Variants in WDR72 observed in about 807,000 individuals in gnomAD.
The protein encoded by WDR72 is WD repeat-containing protein 72.
A neutral mutation model predicts 124.2 loss-of-function variants in WDR72; 120 were observed. That is an observed-to-expected ratio of 0.97 (90% CI 0.83 to 1.12). WDR72 has a LOEUF of 1.12. WDR72 is among the 50% of genes most tolerant of loss of function. The pLI, the probability that WDR72 is intolerant of heterozygous loss-of-function variation, is 0.00. For missense variants in WDR72, 1,387 were observed against 1,278.8 expected, an observed-to-expected ratio of 1.08 and a Z score of -1.29; for synonymous variants, 452 against 441.7, an observed-to-expected ratio of 1.02 and a Z score of -0.29.
At chr15:53,706,375 T>TATATATATATAC (rs2017374939) in intron 9 of WDR72, among the ~76,000 whole-genome samples, 1 of 115,812 alleles carries the variant, frequency 8.6e-6, no homozygotes, top group African/African-American at 4.7e-5. Context: ...TATATATATA[T>TATATATATATAC]ATATATATAT....
intron 13 of WDR72, among the ~76,000 whole-genome samples, chr15:53,682,696 A>G (rs2126187): frequency 0.013 from 1,956 of 152,304 alleles, 41 homozygotes; most frequent in African/African-American, 0.046. Flanking sequence ...TTGCTAAAGC[A>G]TAACAAGAGT....
chr15:53,609,862 ACACAC>A (rs1029357386), intron 16 of WDR72, among the ~76,000 whole-genome samples: 47 of 152,140 alleles, frequency 3.1e-4, no homozygotes, highest in Admixed American at 5.9e-4. Context: ...ACACACACAC[ACACAC>A]AATTTATATG....
At chr15:53,612,068 A>G (rs1295555386) in intron 16 of WDR72, among the ~76,000 whole-genome samples, 4 of 152,148 alleles carry the variant, frequency 2.6e-5, no homozygotes, top group Non-Finnish European at 4.4e-5. Flanking sequence ...GACATGCCCA[A>G]TAGAACACAA....
intron 1 of WDR72, among the ~76,000 whole-genome samples, chr15:53,736,400 G>A (rs2140623718): frequency 6.6e-6 from 1 of 152,304 alleles, no homozygotes; most frequent in East Asian, 1.9e-4. Flanking sequence ...ATACAGGGCT[G>A]TCTGGCACTG....
At chr15:53,603,733 T>C (rs1481763923) in intron 17 of WDR72, among the ~76,000 whole-genome samples, 4 of 151,964 alleles carry the variant, frequency 2.6e-5, no homozygotes, top group Admixed American at 2.6e-4. Flanking sequence ...CCATTCACAA[T>C]TGCAACAAAA....
chr15:53,576,536 G>A (rs1378506888), intron 18 of WDR72, among the ~76,000 whole-genome samples: 1 of 152,000 alleles, frequency 6.6e-6, no homozygotes, highest in Non-Finnish European at 1.5e-5. Flanking sequence ...AACTTGTATA[G>A]TGCCCTTTAC....
At chr15:53,625,831 C>T (rs1445937603) in intron 14 of WDR72, among the ~76,000 whole-genome samples, 1 of 151,408 alleles carries the variant, frequency 6.6e-6, no homozygotes, top group African/African-American at 2.4e-5. Flanking sequence ...TGTGAAAGTA[C>T]AAGTCTAACA....
chr15:53,533,986 A>G (rs1304516047), intron 18 of WDR72, among the ~76,000 whole-genome samples: 6 of 152,108 alleles, frequency 3.9e-5, no homozygotes, highest in Non-Finnish European at 4.4e-5. Context: ...CCACTGGGGT[A>G]GGGAAGCAAG....
At chr15:53,551,016 G>A (rs948844915) in intron 18 of WDR72, among the ~76,000 whole-genome samples, 12 of 152,284 alleles carry the variant, frequency 7.9e-5, no homozygotes, top group African/African-American at 2.9e-4. Context: ...AAGCTTGGAG[G>A]TCAAGGAGGA....
intron 18 of WDR72, among the ~76,000 whole-genome samples, chr15:53,538,793 C>T (rs1892902740): frequency 6.6e-6 from 1 of 152,030 alleles, no homozygotes; most frequent in South Asian, 2.1e-4. Flanking sequence ...CAGAATGAAT[C>T]AGATCACTGC....
upstream of WDR72, among the ~76,000 whole-genome samples, chr15:53,760,460 A>T (rs933883351): frequency 6.6e-6 from 1 of 152,050 alleles, no homozygotes; most frequent in African/African-American, 2.4e-5. Context: ...GGGTTATTTC[A>T]CTTAACATAA....
intron 18 of WDR72, among the ~76,000 whole-genome samples, chr15:53,580,976 A>G (rs2011889828): frequency 6.6e-6 from 1 of 152,070 alleles, no homozygotes; most frequent in South Asian, 2.1e-4. Flanking sequence ...GTTTTAAGCA[A>G]TTGTTTAGCT....
intron 18 of WDR72, among the ~76,000 whole-genome samples, chr15:53,560,975 A>T (rs1467470287): frequency 2.0e-5 from 3 of 151,758 alleles, no homozygotes. Context: ...TAATTCCCAG[A>T]CTTCACTCTC....
Position 53,515,106 on chromosome 15 carries a change from C to CAAAAAA in WDR72, c.*2592_*2593insTTTTTT, listed in dbSNP as rs1555402423. On this transcript the variant is annotated 3_prime_UTR_variant, in exon 20 of 20. Transcript: ENST00000360509. ...ATGTATACACACACACACACACACACAAATACATTCATAAATATCACCAAG... is the reference window on the plus strand; with the variant it reads ...ATGTATACACACACACACACACACACAAAAAAAAATACATTCATAAATATCACCAAG... The CAAAAAA allele has an allele frequency of 7.5e-6, 1 of 134,094 alleles. No individual in the cohort carries two copies. Among genetic ancestry groups the CAAAAAA allele is most frequent in the Non-Finnish European group, 1.7e-5 (1 of 59,782 alleles). 8.3% of individuals were successfully genotyped at this position (134,094 alleles called of 1,614,324 possible). A position where few individuals can be genotyped will look rare whatever the true frequency, so the allele number is the denominator to read the frequency against.
At chr15:53,633,874 C>T (rs2014524660) in intron 14 of WDR72, among the ~76,000 whole-genome samples, 1 of 152,118 alleles carries the variant, frequency 6.6e-6, no homozygotes, top group South Asian at 2.1e-4. Flanking sequence ...TGTACACAAA[C>T]ACAAACGCCC....
chr15:53,548,610 T>TTA (rs1234174332), intron 18 of WDR72, among the ~76,000 whole-genome samples: 1 of 151,526 alleles, frequency 6.6e-6, no homozygotes, highest in Non-Finnish European at 1.5e-5. Context: ...CTGTAGTGAA[T>TTA]GCTAATGATT....
chr15:53,576,557 A>G (rs1300438650), intron 18 of WDR72, among the ~76,000 whole-genome samples: 2 of 152,088 alleles, frequency 1.3e-5, no homozygotes, highest in Admixed American at 6.6e-5. Flanking sequence ...TTATTAGGTG[A>G]AATTTAGATT....
chr15:53,702,504 C>G (rs368972883), intron 11 of WDR72, 150 bp from the exon 12 acceptor site: 23 of 665,856 alleles, frequency 3.5e-5, no homozygotes, highest in East Asian at 2.7e-4. Context: ...ATCCTTAGAT[C>G]ATCTTGAAAA....
rs2011663677 is a variant in WDR72, at chr15:53,577,208, C to G, written c.3148+19871G>C. On this transcript the variant is annotated intron_variant, in intron 18 of 19. Transcript: ENST00000360509. Reference sequence around the variant, plus strand: ...TTATCAGCAAGGAAGAACTTCTGCACTGTAAAAGCTTATTAAGGGAATTTG... The same window carrying G: ...TTATCAGCAAGGAAGAACTTCTGCAGTGTAAAAGCTTATTAAGGGAATTTG... 3.9e-5 allele frequency among the ~76,000 whole-genome samples: 6 copies of G among 152,288 alleles called. No homozygotes were observed. The South Asian group carries it at 1.2e-3, about 32-fold the overall frequency.
Sources: allele counts gnomAD v4.1 joint callset (sites outside exome capture counted in the v4.1 genomes callset), GRCh38; gene constraint gnomAD v4.1.1; transcripts MANE v1.5; gene names NCBI Gene and HGNC (gene_info 2026-07-23, HGNC 2026-07-21).